The following SH3RF3 variants were observed in gnomAD, a reference collection of about 807,000 sequenced individuals.
SH3RF3 encodes the protein E3 ubiquitin-protein ligase SH3RF3.
A neutral mutation model predicts 66.3 loss-of-function variants in SH3RF3; 29 were observed. The ratio of observed to expected loss-of-function variants is 0.44; its 90% CI spans 0.33 to 0.60. The LOEUF (loss-of-function observed/expected upper bound fraction) is 0.60. Among genes scored for constraint, SH3RF3 ranks in the 20% least tolerant of loss-of-function variants. The probability of loss-of-function intolerance (pLI) is 0.04; values close to 1 mark genes in which losing one functional copy is unlikely to be tolerated. For synonymous variants in SH3RF3, 583 were observed against 532.0 expected (o/e 1.10, Z -1.32); for missense variants, 1,194 against 1,190.9 (o/e 1.00, Z -0.04).
intron 1 of SH3RF3, among the ~76,000 whole-genome samples, chr2:109,189,534 A>G (rs1678290226): frequency 6.6e-6 from 1 of 151,820 alleles, no homozygotes; most frequent in Non-Finnish European, 1.5e-5. Context: ...ACGCCCAGCT[A>G]ATTTTTGTAT....
intron 9 of SH3RF3, among the ~76,000 whole-genome samples, chr2:109,495,692 A>G (rs925255258): frequency 1.3e-5 from 2 of 151,824 alleles, no homozygotes; most frequent in African/African-American, 4.8e-5. Context: ...GGGTTTCGCC[A>G]TGTTAGCCAG....
intron 3 of SH3RF3, among the ~76,000 whole-genome samples, chr2:109,385,748 G>A (rs185195345): frequency 9.3e-4 from 142 of 152,330 alleles, no homozygotes; most frequent in Admixed American, 1.6e-3. Flanking sequence ...TGCCAGGGTG[G>A]ACTGTGTTAT....
chr2:109,204,583 G>A (rs1574503102), intron 1 of SH3RF3, among the ~76,000 whole-genome samples: 1 of 152,236 alleles, frequency 6.6e-6, no homozygotes, highest in South Asian at 2.1e-4. Flanking sequence ...AGCGTCCCTG[G>A]CCTCCATCCT....
chr2:109,495,582 A>C (rs988521764), intron 9 of SH3RF3, among the ~76,000 whole-genome samples: 3 of 135,336 alleles, frequency 2.2e-5, no homozygotes, highest in Non-Finnish European at 4.6e-5. Context: ...TCCGCCTCCC[A>C]GATTTAAGCA....
chr2:109,305,550 C>T (rs955512320), intron 1 of SH3RF3, among the ~76,000 whole-genome samples: 1 of 152,158 alleles, frequency 6.6e-6, no homozygotes, highest in South Asian at 2.1e-4. Context: ...GGAAATTATG[C>T]ACCAGGAAGC....
chr2:109,402,435 G>A (rs1676340585), intron 4 of SH3RF3, among the ~76,000 whole-genome samples: 1 of 152,262 alleles, frequency 6.6e-6, no homozygotes, highest in Non-Finnish European at 1.5e-5. Context: ...CAGCATTGCT[G>A]TGTCATGGGC....
At chr2:109,242,799 A>G (rs1251724997) in intron 1 of SH3RF3, among the ~76,000 whole-genome samples, 1 of 152,048 alleles carries the variant, frequency 6.6e-6, no homozygotes, top group Non-Finnish European at 1.5e-5. Flanking sequence ...AAGTTTGGAG[A>G]GGATGGGGAC....
At chr2:109,468,029 C>T (rs1678404750) in intron 8 of SH3RF3, among the ~76,000 whole-genome samples, 1 of 152,380 alleles carries the variant, frequency 6.6e-6, no homozygotes, top group South Asian at 2.1e-4. Flanking sequence ...AAGTGACACA[C>T]ATCACATTTG....
chr2:109,137,246 T>G (rs1676835545), intron 1 of SH3RF3, among the ~76,000 whole-genome samples: 1 of 152,210 alleles, frequency 6.6e-6, no homozygotes, highest in African/African-American at 2.4e-5. Flanking sequence ...TTTTTGTTTA[T>G]TCTTCCATAG....
At chr2:109,391,725 A>C (rs1676002764) in intron 3 of SH3RF3, among the ~76,000 whole-genome samples, 1 of 152,206 alleles carries the variant, frequency 6.6e-6, no homozygotes, top group Non-Finnish European at 1.5e-5. Flanking sequence ...TCTGTGAATA[A>C]AGGGAAGGGA....
chr2:109,498,303 T>C (rs916402930), intron 9 of SH3RF3, among the ~76,000 whole-genome samples: 1 of 152,204 alleles, frequency 6.6e-6, no homozygotes, highest in African/African-American at 2.4e-5. Context: ...TGGCCTGTTC[T>C]GCTTCCCCAG....
chr2:109,164,356 A>T lies in SH3RF3; in HGVS notation c.573+34243A>T, dbSNP rs1677565636. ...GGCTGCAACCCCTGGCTAATTTTTAAAAATTTTGTTAGAGATGGGGTCTTG... is the reference window on the plus strand; with the variant it reads ...GGCTGCAACCCCTGGCTAATTTTTATAAATTTTGTTAGAGATGGGGTCTTG... On this transcript the variant is annotated intron_variant, in intron 1 of 9. Coordinates refer to ENST00000309415, the MANE Select transcript of SH3RF3 (RefSeq NM_001099289.3). Among the ~76,000 whole-genome samples, 2 of 152,050 alleles carry T rather than the reference A, an allele frequency of 1.3e-5. 1 individual carries two copies. Among genetic ancestry groups the T allele is most frequent in the Non-Finnish European group, 2.9e-5 (2 of 68,020 alleles).
intron 1 of SH3RF3, among the ~76,000 whole-genome samples, chr2:109,139,111 A>G (rs1483725420): frequency 6.6e-6 from 1 of 152,224 alleles, no homozygotes; most frequent in Non-Finnish European, 1.5e-5. Flanking sequence ...TTTTATGGAT[A>G]AGCCACTGGA....
intron 2 of SH3RF3, among the ~76,000 whole-genome samples, chr2:109,366,947 T>G (rs112239783): frequency 0.029 from 4,399 of 152,216 alleles, 159 homozygotes; most frequent in African/African-American, 0.089. Context: ...GGGATTCGTT[T>G]TTTGAATTTA....
chr2:109,476,186 A>G (rs1168179640), intron 8 of SH3RF3, among the ~76,000 whole-genome samples: 1 of 152,218 alleles, frequency 6.6e-6, no homozygotes, highest in African/African-American at 2.4e-5. Context: ...ATAAGGGATA[A>G]GCTGTTACCT....
At chr2:109,315,730 A>G (rs1230795824) in intron 1 of SH3RF3, among the ~76,000 whole-genome samples, 2 of 152,172 alleles carry the variant, frequency 1.3e-5, no homozygotes, top group Non-Finnish European at 2.9e-5. Context: ...GGGCTCTTTC[A>G]TCTCATTATG....
intron 1 of SH3RF3, among the ~76,000 whole-genome samples, chr2:109,275,109 C>T (rs1488845816): frequency 1.3e-5 from 2 of 152,120 alleles, no homozygotes; most frequent in African/African-American, 2.4e-5. Context: ...AAATGTGTTC[C>T]ACGCTTGTCT....
At chr2:109,355,980 T>C (rs973478897) in intron 2 of SH3RF3, among the ~76,000 whole-genome samples, 1 of 151,972 alleles carries the variant, frequency 6.6e-6, no homozygotes, top group African/African-American at 2.4e-5. Flanking sequence ...GCATTGGGGG[T>C]GGAGAATCAT....
intron 2 of SH3RF3, among the ~76,000 whole-genome samples, chr2:109,366,423 A>G (rs1028707021): frequency 6.6e-6 from 1 of 152,244 alleles, no homozygotes; most frequent in Non-Finnish European, 1.5e-5. Context: ...AAGATACAGA[A>G]AAGTGTGGTG....
Sources: gnomAD v4.1 joint callset for allele counts (sites outside exome capture counted in the v4.1 genomes callset) on GRCh38, gnomAD v4.1.1 for gene constraint, MANE v1.5 for transcripts, NCBI Gene and HGNC (gene_info 2026-07-23, HGNC 2026-07-21) for gene names.